Variants in CHST3 observed in about 807,000 individuals in gnomAD.
CHST3 encodes the protein carbohydrate sulfotransferase 3.
A neutral mutation model predicts 35.4 loss-of-function variants in CHST3; 20 were observed. The ratio of observed to expected loss-of-function variants is 0.57; its 90% CI spans 0.40 to 0.82. The LOEUF (loss-of-function observed/expected upper bound fraction) is 0.82. Ranked by LOEUF, CHST3 falls within the 40% of genes least tolerant of loss-of-function variation. The probability of loss-of-function intolerance (pLI) is 0.00; values close to 1 mark genes in which losing one functional copy is unlikely to be tolerated. For synonymous variants in CHST3, 334 were observed against 295.9 expected (o/e 1.13, Z -1.32); for missense variants, 693 against 670.1 (o/e 1.03, Z -0.38).
At chr10:71,982,052 GGC>G (rs942738488) in intron 1 of CHST3, among the ~76,000 whole-genome samples, 2 of 152,200 alleles carry the variant, frequency 1.3e-5, no homozygotes, top group African/African-American at 4.8e-5. Context: ...GCTGAAATGT[GGC>G]CCCCACAGAT....
chr10:72,000,603 G>C (rs2087427758), intron 1 of CHST3, among the ~76,000 whole-genome samples: 2 of 152,156 alleles, frequency 1.3e-5, no homozygotes, highest in South Asian at 4.1e-4. Context: ...GGGCCAGGGT[G>C]GGGGTGTTGG....
Position 71,971,337 on chromosome 10 carries a change from C to T in CHST3, c.-108+6643C>T, listed in dbSNP as rs547338613. On this transcript the variant is annotated intron_variant, in intron 1 of 2. Coordinates refer to ENST00000373115, the MANE Select transcript of CHST3 (RefSeq NM_004273.5). ...CCTGCGCTCCGCACGTCCACATGTTCGTATTCTACATATTGGGCTTCTGAA... is the reference window on the plus strand; with the variant it reads ...CCTGCGCTCCGCACGTCCACATGTTTGTATTCTACATATTGGGCTTCTGAA... Among the ~76,000 whole-genome samples the T allele has an allele frequency of 3.9e-5, 6 of 152,276 alleles. No homozygotes were observed. The East Asian group carries it at 7.7e-4, about 20-fold the overall frequency.
At position 72,007,522 on chromosome 10, in the gene CHST3, C is replaced by G. The variant is rs771866012; in HGVS notation, c.491C>G (p.Pro164Arg). 1.2e-6 allele frequency: 2 copies of G among 1,603,886 alleles called. No homozygotes were observed. Among genetic ancestry groups the G allele is most frequent in the Admixed American group, 3.3e-5 (2 of 59,972 alleles). ...GGCAACATCTTCTACCTCTTCGAGC[C>G]GCTGTGGCACATCGAGCGCACAGTG... The part of the protein sequence containing the change: ...QQGNIFYLFE[P>R]LWHIERTVSF... Residue 164 changes from proline (P) to arginine (R), a missense_variant, in exon 3 of 3, where the codon CCG becomes CGG. Transcript: ENST00000373115.
intron 1 of CHST3, among the ~76,000 whole-genome samples, chr10:72,001,860 G>C (rs1232630069): frequency 6.6e-6 from 1 of 152,188 alleles, no homozygotes; most frequent in Non-Finnish European, 1.5e-5. Flanking sequence ...AAGCAAGGGA[G>C]GCAGGCCTAG....
intron 1 of CHST3, among the ~76,000 whole-genome samples, chr10:71,991,683 AG>A (rs1839897872): frequency 6.6e-6 from 1 of 152,238 alleles, no homozygotes; most frequent in Admixed American, 6.5e-5. Flanking sequence ...CTGTAATACC[AG>A]CACTTTGGGA....
rs1840061525 is a variant in CHST3 at position 72,007,903 on chromosome 10, G to A, written c.872G>A (p.Arg291His). 2 of 1,570,948 alleles carry A rather than the reference G, an allele frequency of 1.3e-6. No individual in the cohort carries two copies. Among genetic ancestry groups the A allele is most frequent in the Non-Finnish European group, 1.7e-6 (2 of 1,158,706 alleles). ...CTGCAGCCGCTGGCCGAGGACCCCC[G>A]CCTGGACCTGCGCGTCATCCAGCTG... ...EFLQPLAEDP[R>H]LDLRVIQLVR... is the part of the protein sequence containing the mutation. The change falls in exon 3 of 3, where the codon CGC becomes CAC. Residue 291 changes from arginine to histidine, a missense_variant. Arg to His is a conservative substitution (Grantham distance 29). Transcript: ENST00000373115.
intron 1 of CHST3, among the ~76,000 whole-genome samples, chr10:71,975,637 G>A (rs141212667): frequency 1.1e-3 from 175 of 152,346 alleles, no homozygotes; most frequent in South Asian, 1.9e-3. Flanking sequence ...GAAGGAGCAC[G>A]GGGGCTCAGG....
intron 1 of CHST3, among the ~76,000 whole-genome samples, chr10:71,994,856 CT>C (rs1209676459): frequency 6.6e-6 from 1 of 152,196 alleles, no homozygotes; most frequent in Non-Finnish European, 1.5e-5. Context: ...TTACCTTGCA[CT>C]TTTATGTTAT....
chr10:71,964,952 G>A (rs921057676), intron 1 of CHST3, among the ~76,000 whole-genome samples: 1 of 152,228 alleles, frequency 6.6e-6, no homozygotes, highest in African/African-American at 2.4e-5. Flanking sequence ...AGGCTGATCT[G>A]CGCACACCCA....
chr10:72,008,491 G>A lies in CHST3; in HGVS notation c.*20G>A. ...ACGTAGGGGGGCCGGGGCCCCGTAT[G>A]CCCCTCCTCGTGAAAGGCCTGCCCC... On this transcript the variant is annotated 3_prime_UTR_variant, in exon 3 of 3. Coordinates refer to ENST00000373115, the MANE Select transcript of CHST3 (RefSeq NM_004273.5). 2 of 1,496,526 alleles carry A rather than the reference G, an allele frequency of 1.3e-6. No individual in the cohort carries two copies. The highest frequency in any genetic ancestry group is 1.8e-6 in the Non-Finnish European group (2 of 1,121,484). 92.7% of individuals were successfully genotyped at this position (1,496,526 alleles called of 1,614,324 possible).
chr10:72,006,345 G>T (rs1840039003), intron 2 of CHST3, among the ~76,000 whole-genome samples: 1 of 152,220 alleles, frequency 6.6e-6, no homozygotes, highest in Non-Finnish European at 1.5e-5. Flanking sequence ...AAAGCATTTA[G>T]CCCACTGCCT....
intron 1 of CHST3, among the ~76,000 whole-genome samples, chr10:72,005,491 C>G (rs1017346760): frequency 1.3e-5 from 2 of 152,144 alleles, no homozygotes; most frequent in Admixed American, 6.5e-5. Context: ...CGTGCACAGG[C>G]CTTTGATGTG....
intron 1 of CHST3, among the ~76,000 whole-genome samples, chr10:71,988,082 A>G (rs1020606797): frequency 2.0e-5 from 3 of 152,226 alleles, no homozygotes; most frequent in East Asian, 1.9e-4. Context: ...GTATACGTAC[A>G]TGCACACATT....
In CHST3 at chr10:72,010,363, C is replaced by T. The variant is rs1840097269; in HGVS notation, c.*1892C>T. ...TCTGTCAGATACGGCCCATTGTAAA[C>T]CCAGAGGGCTGCATTTTGGGTTGAG... is the stretch of plus-strand genomic sequence containing the variant. On this transcript the variant is annotated 3_prime_UTR_variant, in exon 3 of 3. Transcript: ENST00000373115. 1 of 152,182 alleles carries T rather than the reference C, an allele frequency of 6.6e-6. No homozygotes were observed. The highest frequency in any genetic ancestry group is 2.4e-5 in the African/African-American group (1 of 41,426). 9.4% of individuals were successfully genotyped at this position (152,182 alleles called of 1,614,324 possible). A position where few individuals can be genotyped will look rare whatever the true frequency, so the allele number is the denominator to read the frequency against.
chr10:71,981,242 C>G (rs1055124898), intron 1 of CHST3, among the ~76,000 whole-genome samples: 1 of 152,238 alleles, frequency 6.6e-6, no homozygotes, highest in East Asian at 1.9e-4. Flanking sequence ...GCGGCAGCAC[C>G]TCGGCCTTGC....
intron 1 of CHST3, among the ~76,000 whole-genome samples, chr10:71,996,434 C>A (rs934521260): frequency 2.8e-5 from 4 of 142,974 alleles, no homozygotes; most frequent in Non-Finnish European, 4.6e-5. Context: ...AACCCCCCCC[C>A]AACGTATGTG....
At chr10:71,984,499 T>A (rs1241865615) in intron 1 of CHST3, among the ~76,000 whole-genome samples, 1 of 152,182 alleles carries the variant, frequency 6.6e-6, no homozygotes, top group Non-Finnish European at 1.5e-5. Flanking sequence ...TGGTGACAGG[T>A]CCTGAAAGAT....
At chr10:71,973,024 G>A (rs1176731051) in intron 1 of CHST3, among the ~76,000 whole-genome samples, 2 of 152,256 alleles carry the variant, frequency 1.3e-5, no homozygotes, top group Admixed American at 6.5e-5. Context: ...AGCAGTGAAT[G>A]CTGCTACCTG....
At chr10:71,968,714 T>C (rs1390830654) in intron 1 of CHST3, among the ~76,000 whole-genome samples, 1 of 152,154 alleles carries the variant, frequency 6.6e-6, no homozygotes, top group African/African-American at 2.4e-5. Context: ...CTGCCGAGCC[T>C]GGATATACCT....
Sources: gnomAD v4.1 joint callset for allele counts (sites outside exome capture counted in the v4.1 genomes callset) on GRCh38, gnomAD v4.1.1 for gene constraint, MANE v1.5 for transcripts, NCBI Gene and HGNC (gene_info 2026-07-23, HGNC 2026-07-21) for gene names.